GNG2: variants seen among roughly 807,000 people sequenced by gnomAD.
The protein encoded by GNG2 is guanine nucleotide-binding protein G(I)/G(S)/G(O) subunit gamma-2.
GNG2 carries 5 observed loss-of-function variants against 5.5 expected under a neutral mutation model. That is an observed-to-expected ratio of 0.91 (90% CI 0.48 to 1.92). The LOEUF is 1.92. Among genes scored for constraint, GNG2 ranks in the 30% most tolerant of loss-of-function variants. GNG2 has a pLI of 0.01. For missense variants in GNG2, 55 were observed against 88.4 expected (o/e 0.62, Z 1.52); for synonymous variants, 28 against 32.0 (o/e 0.88, Z 0.42).
At chr14:51,892,338 G>A (rs1187297994) in intron 2 of GNG2, among the ~76,000 whole-genome samples, 1 of 150,986 alleles carries the variant, frequency 6.6e-6, no homozygotes, top group African/African-American at 2.4e-5. Flanking sequence ...TTGAAATAGA[G>A]TCTCACTTTG....
At chr14:51,965,211 A>G (rs536220667) in intron 3 of GNG2, among the ~76,000 whole-genome samples, 1 of 152,344 alleles carries the variant, frequency 6.6e-6, no homozygotes, top group African/African-American at 2.4e-5. Context: ...GGCAGTGACT[A>G]TCTTTAGTAA....
At chr14:51,871,331 CA>C (rs5808638) in intron 1 of GNG2, among the ~76,000 whole-genome samples, 19 of 145,198 alleles carry the variant, frequency 1.3e-4, no homozygotes, top group East Asian at 6.0e-4. Context: ...AATTCCTAGG[CA>C]AAAAAAAAAA....
chr14:51,969,185 T>C lies in GNG2; in HGVS notation c.*2498T>C, dbSNP rs1313212284. 2 of 152,212 alleles carry C rather than the reference T, an allele frequency of 1.3e-5. No individual in the cohort carries two copies. Among genetic ancestry groups the C allele is most frequent in the Non-Finnish European group, 2.9e-5 (2 of 68,030 alleles). 9.4% of individuals were successfully genotyped at this position (152,212 alleles called of 1,614,324 possible). On this transcript the variant is annotated 3_prime_UTR_variant, in exon 4 of 4. Transcript: ENST00000556766. ...AAGTCAGCTTAATTATTTAAGGCCC[T>C]AGTTTCTACATATAATATATTCGAT...
chr14:51,853,886 T>TC (rs1249514870), intron 2 of GNG2, among the ~76,000 whole-genome samples: 1 of 147,712 alleles, frequency 6.8e-6, no homozygotes, highest in Non-Finnish European at 1.5e-5. Context: ...TCCCTGAATT[T>TC]CTTTTTTTTT....
intron 2 of GNG2, among the ~76,000 whole-genome samples, chr14:51,941,850 G>C (rs987213002): frequency 6.6e-6 from 1 of 152,110 alleles, no homozygotes; most frequent in Admixed American, 6.5e-5. Flanking sequence ...TGGGTGGGAC[G>C]GGGACTATAA....
chr14:51,861,137 A>C (rs370708073), intron 1 of GNG2, among the ~76,000 whole-genome samples: 14 of 152,266 alleles, frequency 9.2e-5, no homozygotes, highest in African/African-American at 3.4e-4. Flanking sequence ...CCCTTGTTTT[A>C]GGGGAGTGAG....
At chr14:51,881,510 A>T (rs1278203616) in intron 2 of GNG2, among the ~76,000 whole-genome samples, 1 of 152,162 alleles carries the variant, frequency 6.6e-6, no homozygotes, top group Non-Finnish European at 1.5e-5. Flanking sequence ...CATCATCCGT[A>T]GCAAAACCAC....
chr14:51,884,651 A>G lies in GNG2; in HGVS notation c.-30+6994A>G, dbSNP rs372557444. Among the ~76,000 whole-genome samples the G allele has an allele frequency of 1.2e-4, 18 of 152,316 alleles. 1 individual carries two copies. The East Asian group carries it at 3.3e-3, about 28-fold the overall frequency. ...TGAAGGAGACGGGTGCAGACCGAAG[A>G]TCTGGGCAGTTGTTTTGATTCTGCC... On this transcript the variant is annotated intron_variant, in intron 2 of 3. Coordinates refer to ENST00000556766, the MANE Select transcript of GNG2 (RefSeq NM_053064.5).
At chr14:51,851,866 C>G (rs181468154) in intron 2 of GNG2, among the ~76,000 whole-genome samples, 65 of 152,304 alleles carry the variant, frequency 4.3e-4, no homozygotes, top group Non-Finnish European at 7.4e-5. Context: ...AGATATAAAA[C>G]CATTGATGTA....
intron 2 of GNG2, among the ~76,000 whole-genome samples, chr14:51,946,767 A>G (rs542865633): frequency 2.0e-5 from 3 of 152,182 alleles, no homozygotes; most frequent in African/African-American, 7.2e-5. Flanking sequence ...TCTAAACCCA[A>G]AATGGATCCA....
At chr14:51,874,875 AAAG>A (rs1883552964) in intron 1 of GNG2, among the ~76,000 whole-genome samples, 1 of 152,234 alleles carries the variant, frequency 6.6e-6, no homozygotes, top group Non-Finnish European at 1.5e-5. Context: ...TCATATGTGG[AAAG>A]AAGATACATG....
chr14:51,880,988 A>AAAAAAAAAAAAAAAG (rs1884031493), intron 2 of GNG2, among the ~76,000 whole-genome samples: 1 of 148,504 alleles, frequency 6.7e-6, no homozygotes, highest in Non-Finnish European at 1.5e-5. Flanking sequence ...AAAAAAAAAA[A>AAAAAAAAAAAAAAAG]CCCTGAGATT....
intron 3 of GNG2, among the ~76,000 whole-genome samples, chr14:51,951,136 T>C (rs190073989): frequency 2.0e-5 from 3 of 152,366 alleles, no homozygotes; most frequent in Admixed American, 1.3e-4. Flanking sequence ...TGGTTCAGGT[T>C]CTAAGGCTAA....
chr14:51,947,187 C>G (rs1888693604), intron 2 of GNG2, among the ~76,000 whole-genome samples: 1 of 152,180 alleles, frequency 6.6e-6, no homozygotes, highest in East Asian at 1.9e-4. Flanking sequence ...CCTTCCCTGC[C>G]TATACAGAGG....
At position 51,933,626 on chromosome 14, in the gene GNG2, G is replaced by T. The variant is rs548680771; in HGVS notation, c.-29-17024G>T. 1.7e-4 allele frequency among the ~76,000 whole-genome samples: 26 copies of T among 152,300 alleles called. No homozygotes were observed. In the South Asian group the frequency reaches 3.7e-3, roughly 22 times the overall value. On this transcript the variant is annotated intron_variant, in intron 2 of 3. Coordinates refer to ENST00000556766, the MANE Select transcript of GNG2 (RefSeq NM_053064.5). ...GGACCAGGAAAAAACTGCAAGAATC[G>T]AGTCCTTTGGTGAGTGAAAGAAAAT...
intron 1 of GNG2, among the ~76,000 whole-genome samples, chr14:51,876,472 G>A (rs1883672727): frequency 1.3e-5 from 2 of 152,104 alleles, no homozygotes; most frequent in South Asian, 4.1e-4. Flanking sequence ...CAGAGTAGTT[G>A]TGCCAGCTTC....
At chr14:51,839,671 G>A (rs1881431230) in intron 2 of GNG2, among the ~76,000 whole-genome samples, 2 of 152,144 alleles carry the variant, frequency 1.3e-5, no homozygotes, top group South Asian at 4.1e-4. Context: ...TGATGCAGCT[G>A]TTCTATATCT....
chr14:51,923,556 C>A (rs1887144947), intron 2 of GNG2, among the ~76,000 whole-genome samples: 1 of 92,518 alleles, frequency 1.1e-5, no homozygotes, highest in African/African-American at 3.6e-5. Context: ...CATATATATA[C>A]AAACACACAA....
At chr14:51,942,355 A>T (rs1474854253) in intron 2 of GNG2, among the ~76,000 whole-genome samples, 1 of 151,988 alleles carries the variant, frequency 6.6e-6, no homozygotes, top group African/African-American at 2.4e-5. Context: ...TGACTGGCCT[A>T]CTACAAGGCG....
Sources: allele counts gnomAD v4.1 joint callset (sites outside exome capture counted in the v4.1 genomes callset), GRCh38; gene constraint gnomAD v4.1.1; transcripts MANE v1.5; gene names NCBI Gene and HGNC (gene_info 2026-07-23, HGNC 2026-07-21).